AFAP1: variants seen among roughly 807,000 people sequenced by gnomAD.
The protein encoded by AFAP1 is actin filament-associated protein 1.
Under a neutral mutation model 93.9 loss-of-function variants are expected in AFAP1, and 75 were observed. That is an observed-to-expected ratio of 0.80 (90% CI 0.66 to 0.97). The LOEUF (loss-of-function observed/expected upper bound fraction) is 0.97. Ranked by LOEUF, AFAP1 falls within the 50% of genes least tolerant of loss-of-function variation. The probability of loss-of-function intolerance (pLI) is 0.00; values close to 1 mark genes in which losing one functional copy is unlikely to be tolerated. For missense variants in AFAP1, 1,201 were observed against 1,050.8 expected, an observed-to-expected ratio of 1.14 and a Z score of -1.98; for synonymous variants, 517 against 430.7, an observed-to-expected ratio of 1.20 and a Z score of -2.48.
chr4:7,844,120 A>G (rs1195254822), intron 4 of AFAP1, among the ~76,000 whole-genome samples: 2 of 152,128 alleles, frequency 1.3e-5, no homozygotes, highest in Non-Finnish European at 2.9e-5. Context: ...TGAATCACCA[A>G]AGCTGGGTGC....
chr4:7,778,228 C>A, intron 14 of AFAP1: 1 of 162,146 alleles, frequency 6.2e-6, no homozygotes, highest in Non-Finnish European at 1.4e-5. Flanking sequence ...GGGAAGTAAA[C>A]CGGATGGGAT....
intron 1 of AFAP1, among the ~76,000 whole-genome samples, chr4:7,882,921 A>G (rs1717935098): frequency 6.6e-6 from 1 of 152,050 alleles, no homozygotes; most frequent in African/African-American, 2.4e-5. Context: ...ACAGTGACTC[A>G]CACCTGTAAT....
intron 1 of AFAP1, among the ~76,000 whole-genome samples, chr4:7,910,406 T>G (rs931317484): frequency 7.9e-5 from 12 of 151,860 alleles, no homozygotes; most frequent in Admixed American, 3.9e-4. Context: ...TTAGGCAACC[T>G]CCAGAATTCA....
rs189802982 is a variant in AFAP1 at position 7,828,864 on chromosome 4, G to A, written c.726+9660C>T. Among the ~76,000 whole-genome samples the A allele has an allele frequency of 5.1e-4, 78 of 152,298 alleles. 2 individuals carry two copies. The South Asian group carries it at 7.9e-3, about 15-fold the overall frequency. On this transcript the variant is annotated intron_variant, in intron 6 of 17. Coordinates refer to ENST00000420658, the MANE Select transcript of AFAP1 (RefSeq NM_001134647.2). ...CTCCAGTCTGTGCTCTACCTATACC[G>A]TCTGAAATGGTTTAGCTGTGTCCCC...
In AFAP1 at chr4:7,758,869, C is replaced by T. The variant is rs1370318932; in HGVS notation, c.*4896G>A. 3 of 152,138 alleles carry T rather than the reference C, an allele frequency of 2.0e-5. No homozygotes were observed. The highest frequency in any genetic ancestry group is 7.2e-5 in the African/African-American group (3 of 41,448). The allele number at this position is 152,138 out of a possible 1,614,324, so 9.4% of individuals were successfully genotyped here. On this transcript the variant is annotated 3_prime_UTR_variant, in exon 18 of 18. Coordinates refer to ENST00000420658, the MANE Select transcript of AFAP1 (RefSeq NM_001134647.2). ...GAGTGGACTGAAAACTAGGATTTTC[C>T]TTGCAAGTTTCTTTTCATAAAATTT...
intron 1 of AFAP1, among the ~76,000 whole-genome samples, chr4:7,885,905 C>T (rs1287350895): frequency 1.3e-5 from 2 of 152,218 alleles, no homozygotes; most frequent in African/African-American, 4.8e-5. Flanking sequence ...GGTATCAGAA[C>T]TCGAGTGGCA....
At chr4:7,833,762 G>A (rs1335373809) in intron 6 of AFAP1, among the ~76,000 whole-genome samples, 2 of 151,806 alleles carry the variant, frequency 1.3e-5, no homozygotes, top group Non-Finnish European at 2.9e-5. Context: ...CTAGTTTTTT[G>A]TATTTTTAGT....
intron 6 of AFAP1, among the ~76,000 whole-genome samples, chr4:7,828,568 A>C (rs368555918): frequency 1.9e-4 from 29 of 152,288 alleles, no homozygotes; most frequent in East Asian, 1.4e-3. Context: ...CTGCAGGCGT[A>C]TGCGGAGCCT....
At chr4:7,814,611 C>A (rs765516744) in intron 8 of AFAP1, among the ~76,000 whole-genome samples, 15 of 152,210 alleles carry the variant, frequency 9.9e-5, no homozygotes, top group Non-Finnish European at 2.1e-4. Flanking sequence ...GTGACACTAG[C>A]CACAAACACG....
intron 1 of AFAP1, among the ~76,000 whole-genome samples, chr4:7,890,009 A>AAT (rs1442452624): frequency 1.3e-5 from 2 of 149,354 alleles, no homozygotes; most frequent in Non-Finnish European, 3.0e-5. Context: ...TTTGTTAAAA[A>AAT]AAAAAAAAAA....
intron 9 of AFAP1, among the ~76,000 whole-genome samples, chr4:7,806,391 C>G (rs1184086965): frequency 1.3e-5 from 2 of 152,320 alleles, no homozygotes; most frequent in East Asian, 3.9e-4. Context: ...CACAGCAGCT[C>G]TGTCCTGCAT....
chr4:7,830,932 C>T (rs1711540641), intron 6 of AFAP1, among the ~76,000 whole-genome samples: 1 of 152,010 alleles, frequency 6.6e-6, no homozygotes, highest in Non-Finnish European at 1.5e-5. Flanking sequence ...ATAATAAAGA[C>T]CAAATTCAGA....
At chr4:7,894,425 G>A (rs956123251) in intron 1 of AFAP1, among the ~76,000 whole-genome samples, 2 of 152,180 alleles carry the variant, frequency 1.3e-5, no homozygotes, top group East Asian at 1.9e-4. Flanking sequence ...AGGATATGAC[G>A]CTAACACAGA....
chr4:7,925,548 AC>A (rs1409655837), intron 1 of AFAP1, among the ~76,000 whole-genome samples: 2 of 151,564 alleles, frequency 1.3e-5, no homozygotes, highest in African/African-American at 4.9e-5. Context: ...CCCCATTCTT[AC>A]TAAAAATACA....
At chr4:7,822,024 G>A (rs1047761052) in intron 6 of AFAP1, among the ~76,000 whole-genome samples, 5 of 151,876 alleles carry the variant, frequency 3.3e-5, no homozygotes, top group East Asian at 2.0e-4. Flanking sequence ...GATCTCTCTT[G>A]TTTCTCTCGC....
chr4:7,895,137 G>T (rs1011796307), intron 1 of AFAP1, among the ~76,000 whole-genome samples: 1 of 152,240 alleles, frequency 6.6e-6, no homozygotes, highest in African/African-American at 2.4e-5. Flanking sequence ...ATGATAGAAC[G>T]ATCTGGACAC....
chr4:7,768,748 A>G (rs1714974362), intron 17 of AFAP1, 96 bp downstream of exon 17: 17 of 1,385,962 alleles, frequency 1.2e-5, no homozygotes, highest in Admixed American at 2.9e-5. Flanking sequence ...TGGATGCAGT[A>G]GGAAGAAGAA....
At chr4:7,858,478 G>C (rs372004365) in intron 3 of AFAP1, among the ~76,000 whole-genome samples, 7 of 152,216 alleles carry the variant, frequency 4.6e-5, no homozygotes, top group African/African-American at 1.4e-4. Context: ...AGTCAAACAG[G>C]AGAAGGGCCG....
intron 6 of AFAP1, among the ~76,000 whole-genome samples, chr4:7,828,186 C>T (rs1721601437): frequency 6.6e-6 from 1 of 152,126 alleles, no homozygotes; most frequent in African/African-American, 2.4e-5. Flanking sequence ...ACATTAAAGC[C>T]ACTCTGTGTT....
Sources: allele counts gnomAD v4.1 joint callset (sites outside exome capture counted in the v4.1 genomes callset), GRCh38; gene constraint gnomAD v4.1.1; transcripts MANE v1.5; gene names NCBI Gene and HGNC (gene_info 2026-07-23, HGNC 2026-07-21).